Variants in MLIP observed in about 807,000 individuals in gnomAD.
MLIP encodes the protein muscular LMNA-interacting protein.
Under a neutral mutation model 84.8 loss-of-function variants are expected in MLIP, and 79 were observed. That is an observed-to-expected ratio of 0.93 (90% confidence interval 0.78 to 1.12). MLIP has a LOEUF of 1.12. MLIP is among the 50% of genes most tolerant of loss of function. The pLI, the probability that MLIP is intolerant of heterozygous loss-of-function variation, is 0.00. For missense variants in MLIP, 1,257 were observed against 1,160.6 expected (o/e 1.08, Z -1.21); for synonymous variants, 504 against 463.0 (o/e 1.09, Z -1.14).
intron 1 of MLIP, among the ~76,000 whole-genome samples, chr6:54,020,677 C>T (rs573076411): frequency 5.7e-4 from 87 of 152,330 alleles, no homozygotes; most frequent in African/African-American, 2.0e-3. Flanking sequence ...GCATGCCTGA[C>T]TCTATCTTGA....
chr6:54,129,904 G>A (rs918207314), intron 3 of MLIP, among the ~76,000 whole-genome samples: 1 of 152,050 alleles, frequency 6.6e-6, no homozygotes, highest in African/African-American at 2.4e-5. Context: ...GGGCAGTTGG[G>A]TAGGATTAAA....
At chr6:54,123,064 T>G (rs1320964151) in intron 2 of MLIP, among the ~76,000 whole-genome samples, 1 of 151,956 alleles carries the variant, frequency 6.6e-6, no homozygotes, top group Non-Finnish European at 1.5e-5. Context: ...CCCGAATAGC[T>G]GGGACTATAG....
chr6:54,146,013 A>T (rs1386476741), intron 4 of MLIP, among the ~76,000 whole-genome samples: 2 of 152,200 alleles, frequency 1.3e-5, no homozygotes, highest in Non-Finnish European at 2.9e-5. Flanking sequence ...TTCATTGCTT[A>T]CAATGACAAA....
At position 54,137,783 on chromosome 6, in the gene MLIP, G is replaced by C; in HGVS notation, c.1714G>C (p.Gly572Arg). ...GAGTAAACAGGATGGTGACCTCAGG[G>C]GTCCAGAAAACCCCAGAAACATTCA... ...LKSKQDGDLRGPENPRNIHTY... is the reference protein window; with the variant it reads ...LKSKQDGDLRRPENPRNIHTY... Residue 572 changes from glycine to arginine, a missense_variant, in exon 4 of 14, where the codon GGT (glycine) becomes CGT (arginine). Gly to Arg is a moderately radical substitution (Grantham distance 125). Transcript: ENST00000502396. 1 of 1,535,922 alleles carries C rather than the reference G, an allele frequency of 6.5e-7. No homozygotes were observed. The highest frequency in any genetic ancestry group is 8.7e-7 in the Non-Finnish European group (1 of 1,146,876).
At chr6:54,122,415 A>G (rs1465698405) in intron 2 of MLIP, among the ~76,000 whole-genome samples, 1 of 152,182 alleles carries the variant, frequency 6.6e-6, no homozygotes, top group Non-Finnish European at 1.5e-5. Context: ...CTTGAAAATA[A>G]CTTGTGTTAG....
chr6:54,121,912 T>G (rs929662693), intron 2 of MLIP, among the ~76,000 whole-genome samples: 2 of 152,208 alleles, frequency 1.3e-5, no homozygotes, highest in African/African-American at 2.4e-5. Flanking sequence ...ATGTTTAAAT[T>G]TATCTCAAAA....
upstream of MLIP, among the ~76,000 whole-genome samples, chr6:54,107,862 C>G (rs1769129509): frequency 6.6e-6 from 1 of 152,156 alleles, no homozygotes; most frequent in African/African-American, 2.4e-5. Context: ...TGTTATCAAG[C>G]CTGAGGCATA....
intron 11 of MLIP, among the ~76,000 whole-genome samples, chr6:54,203,150 A>G (rs1042927215): frequency 6.6e-6 from 1 of 152,210 alleles, no homozygotes; most frequent in African/African-American, 2.4e-5. Flanking sequence ...AGAATTGTCA[A>G]TGGTGCTTTA....
chr6:54,202,121 T>G lies in MLIP; in HGVS notation c.2606T>G (p.Ile869Ser). The change falls in exon 11 of 14, where the codon ATT becomes AGT. Residue 869 changes from isoleucine to serine, a missense_variant. Transcript: ENST00000502396. ...TTCATGAAGACTAAGCCTGGAGTAA[T>G]TCGCCCAGTACCTGTAAAATCCAGA... ...SESQLTKPGV[I>S]RPVPVKSRIL... is the part of the protein sequence containing the mutation. The G allele has an allele frequency of 6.3e-7, 1 of 1,588,330 alleles. No individual in the cohort carries two copies. The highest frequency in any genetic ancestry group is 1.2e-5 in the South Asian group (1 of 86,042).
chr6:54,219,347 C>CTT (rs201127323), intron 11 of MLIP, among the ~76,000 whole-genome samples: 4 of 112,326 alleles, frequency 3.6e-5, no homozygotes, highest in Non-Finnish European at 3.9e-5. Context: ...GATTTTTTTT[C>CTT]TTTTTTTTTT....
At chr6:54,116,029 G>A (rs996148168) in intron 1 of MLIP, among the ~76,000 whole-genome samples, 1 of 152,170 alleles carries the variant, frequency 6.6e-6, no homozygotes, top group Admixed American at 6.5e-5. Flanking sequence ...GGAGCAGGGT[G>A]CAAGATGGGA....
At chr6:54,054,824 T>G (rs1765562353) in intron 1 of MLIP, among the ~76,000 whole-genome samples, 1 of 152,132 alleles carries the variant, frequency 6.6e-6, no homozygotes, top group South Asian at 2.1e-4. Context: ...GCCAGACCTC[T>G]CCTAACGCAG....
chr6:54,082,285 C>T (rs1191006250), intron 1 of MLIP, among the ~76,000 whole-genome samples: 1 of 152,114 alleles, frequency 6.6e-6, no homozygotes, highest in Non-Finnish European at 1.5e-5. Context: ...TATTTCTTCT[C>T]ATGAAAAACA....
At chr6:54,181,506 C>T (rs2150638174) in intron 9 of MLIP, among the ~76,000 whole-genome samples, 1 of 152,314 alleles carries the variant, frequency 6.6e-6, no homozygotes, top group East Asian at 1.9e-4. Flanking sequence ...TGTTGCTCTA[C>T]CTCCCTGTGA....
rs566800114 is a variant in MLIP, at chr6:54,244,597, C to T, written c.2923-12711C>T. On this transcript the variant is annotated intron_variant, in intron 12 of 13. Transcript: ENST00000502396. ...ATTATCAATCATTTTTAGCTAGGTT[C>T]TCCACTAGAGGGCAAAAAGAGCATT... Among the ~76,000 whole-genome samples the T allele has an allele frequency of 2.0e-5, 3 of 152,280 alleles. No homozygotes were observed. The South Asian group carries it at 6.2e-4, about 32-fold the overall frequency.
At chr6:54,156,050 A>G (rs2150547448) in intron 5 of MLIP, among the ~76,000 whole-genome samples, 1 of 152,216 alleles carries the variant, frequency 6.6e-6, no homozygotes, top group South Asian at 2.1e-4. Flanking sequence ...GAGAAACAAT[A>G]TCTTCCTGCT....
At chr6:54,129,326 C>A (rs1230695453) in intron 3 of MLIP, among the ~76,000 whole-genome samples, 1 of 152,046 alleles carries the variant, frequency 6.6e-6, no homozygotes, top group Non-Finnish European at 1.5e-5. Context: ...TTGAACTTGA[C>A]AAAAAATATT....
At chr6:54,152,559 G>A (rs964883684) in intron 5 of MLIP, among the ~76,000 whole-genome samples, 2 of 152,052 alleles carry the variant, frequency 1.3e-5, no homozygotes, top group African/African-American at 4.8e-5. Context: ...AGAATGGCAT[G>A]GGAAAGACTG....
intron 12 of MLIP, among the ~76,000 whole-genome samples, chr6:54,246,818 T>C (rs1361987136): frequency 1.3e-5 from 2 of 152,142 alleles, no homozygotes; most frequent in Non-Finnish European, 2.9e-5. Context: ...GTAAGACAAG[T>C]CCATTTGGTC....
Sources: allele counts gnomAD v4.1 joint callset (sites outside exome capture counted in the v4.1 genomes callset), GRCh38; gene constraint gnomAD v4.1.1; transcripts MANE v1.5; gene names NCBI Gene and HGNC (gene_info 2026-07-23, HGNC 2026-07-21).